SGCD: variants seen among roughly 807,000 people sequenced by gnomAD.
SGCD encodes delta-sarcoglycan.
In SGCD, 18 loss-of-function variants were observed where a neutral mutation model predicts 36.6. The ratio of observed to expected loss-of-function variants is 0.49; its 90% CI spans 0.34 to 0.73. The LOEUF (loss-of-function observed/expected upper bound fraction) is 0.73, where lower values mean the gene tolerates loss of function less well. SGCD is among the 30% of genes least tolerant of loss of function. SGCD has a pLI of 0.01. For missense variants in SGCD, 387 were observed against 346.7 expected, an observed-to-expected ratio of 1.12 and a Z score of -0.92; for synonymous variants, 133 against 130.6, an observed-to-expected ratio of 1.02 and a Z score of -0.12.
chr5:155,729,745 C>T, the SGCD span, among the ~76,000 whole-genome samples: 1 of 152,216 alleles, frequency 6.6e-6, no homozygotes, highest in Non-Finnish European at 1.5e-5. Flanking sequence ...GCTCCCTGCT[C>T]TCAGGCCCTA....
At chr5:156,291,427 A>C (rs1303849919) in intron 3 of SGCD, among the ~76,000 whole-genome samples, 1 of 152,152 alleles carries the variant, frequency 6.6e-6, no homozygotes, top group Non-Finnish European at 1.5e-5. Flanking sequence ...TAAAATGAGC[A>C]TAACTATGTT....
At chr5:156,176,133 GTGTT>G (rs1200592570) in intron 3 of SGCD, among the ~76,000 whole-genome samples, 1 of 151,734 alleles carries the variant, frequency 6.6e-6, no homozygotes, top group Non-Finnish European at 1.5e-5. Context: ...GTGTGTGTGT[GTGTT>G]TGTGTGTGTG....
chr5:156,306,345 A>G (rs936711767), intron 3 of SGCD, among the ~76,000 whole-genome samples: 2 of 152,120 alleles, frequency 1.3e-5, no homozygotes, highest in African/African-American at 4.8e-5. Flanking sequence ...TTCCCTGCAC[A>G]AGCTCTCTCT....
In SGCD at chr5:156,191,091, G is replaced by T. The variant is rs181964777; in HGVS notation, c.-44+67072G>T. Among the ~76,000 whole-genome samples, 337 of 152,218 alleles carry T rather than the reference G, an allele frequency of 2.2e-3. 4 individuals are homozygous for T. Among genetic ancestry groups the T allele is most frequent in the Middle Eastern group, 0.017 (5 of 294 alleles). The stretch of plus-strand genomic sequence containing the variant: ...CCATTATACTGAAATTTATTCCAGT[G>T]TAATAGATGGGAACGAAGTGGTGTA... On this transcript the variant is annotated intron_variant, in intron 3 of 9. Coordinates refer to the SGCD transcript ENST00000517913.
chr5:156,713,571 C>T (rs967278543), intron 7 of SGCD, among the ~76,000 whole-genome samples: 1 of 152,156 alleles, frequency 6.6e-6, no homozygotes, highest in African/African-American at 2.4e-5. Flanking sequence ...ACTTCAGCCT[C>T]CTTTTCCTGT....
chr5:155,746,872 G>A, the SGCD span, among the ~76,000 whole-genome samples: 8,304 of 152,230 alleles, frequency 0.055, 529 homozygotes, highest in African/African-American at 0.15. Context: ...TCAGGATGTA[G>A]CTGGCCACAT....
At chr5:156,315,810 T>C (rs6898100) in intron 3 of SGCD, among the ~76,000 whole-genome samples, 55,973 of 151,832 alleles carry the variant, frequency 0.37, 11,436 homozygotes, top group African/African-American at 0.56. Flanking sequence ...TGATGATTAA[T>C]GACTTTGAGT....
rs199987252 is a variant in SGCD, at chr5:156,306,666, C to A, written c.-43-22868C>A. Among the ~76,000 whole-genome samples the A allele has an allele frequency of 9.2e-5, 14 of 152,066 alleles. No individual in the cohort carries two copies. The East Asian group carries it at 2.3e-3, about 25-fold the overall frequency. The stretch of plus-strand genomic sequence containing the variant: ...AACTATTCAAGACTATCTTTTATAC[C>A]TTCTTCAGTGCCTCCTTTCTTGCTA... On this transcript the variant is annotated intron_variant, in intron 3 of 9. Transcript: ENST00000517913.
At chr5:156,271,249 C>G (rs1766169743) in intron 3 of SGCD, among the ~76,000 whole-genome samples, 1 of 152,116 alleles carries the variant, frequency 6.6e-6, no homozygotes, top group Non-Finnish European at 1.5e-5. Flanking sequence ...CCCTAAAACA[C>G]CATGGCATAT....
chr5:156,309,508 C>T (rs968740541), intron 3 of SGCD, among the ~76,000 whole-genome samples: 1 of 150,858 alleles, frequency 6.6e-6, no homozygotes, highest in Non-Finnish European at 1.5e-5. Flanking sequence ...ATTTTGGCTT[C>T]TTTTTAAGTT....
chr5:156,217,940 A>C (rs1764614963), intron 3 of SGCD, among the ~76,000 whole-genome samples: 1 of 152,170 alleles, frequency 6.6e-6, no homozygotes, highest in African/African-American at 2.4e-5. Flanking sequence ...TGAAGGGAAG[A>C]ATCTCTAATA....
the SGCD span, among the ~76,000 whole-genome samples, chr5:155,764,437 G>T: frequency 6.6e-6 from 1 of 152,176 alleles, no homozygotes; most frequent in Non-Finnish European, 1.5e-5. Context: ...ACTGTTTTGA[G>T]CTGTGGGTCA....
intron 4 of SGCD, among the ~76,000 whole-genome samples, chr5:156,588,097 T>A (rs560615361): frequency 6.6e-6 from 1 of 152,064 alleles, no homozygotes. Context: ...CCTTTTTCCA[T>A]GTTCTGTGTC....
intron 2 of SGCD, among the ~76,000 whole-genome samples, chr5:156,123,185 C>T (rs983385448): frequency 5.3e-5 from 8 of 151,956 alleles, no homozygotes; most frequent in South Asian, 2.1e-4. Context: ...GTTTAGAGTT[C>T]GGGGAAATAT....
At chr5:156,634,898 A>C (rs1762766982) in intron 6 of SGCD, among the ~76,000 whole-genome samples, 1 of 152,108 alleles carries the variant, frequency 6.6e-6, no homozygotes, top group Non-Finnish European at 1.5e-5. Context: ...AAAGCTAAAG[A>C]GATGGGTTAT....
chr5:155,799,828 T>C, the SGCD span, among the ~76,000 whole-genome samples: 1 of 142,338 alleles, frequency 7.0e-6, no homozygotes, highest in East Asian at 2.0e-4. Context: ...TTTTTTTTTT[T>C]TTTTTTTTTG....
intron 3 of SGCD, among the ~76,000 whole-genome samples, chr5:156,500,783 A>C (rs1458380385): frequency 6.6e-6 from 1 of 152,214 alleles, no homozygotes; most frequent in Non-Finnish European, 1.5e-5. Flanking sequence ...CGGATCCTGG[A>C]ACAGATCAGA....
chr5:155,756,281 A>T, the SGCD span, among the ~76,000 whole-genome samples: 1 of 152,232 alleles, frequency 6.6e-6, no homozygotes, highest in South Asian at 2.1e-4. Flanking sequence ...TCCATAGGGT[A>T]CTGATTATCC....
In SGCD at chr5:156,049,635, A is replaced by G. The variant is rs770650234; in HGVS notation, c.-281-68243A>G. Among the ~76,000 whole-genome samples, 19 of 146,626 alleles carry G rather than the reference A, an allele frequency of 1.3e-4. 3 individuals carry two copies. Among genetic ancestry groups the G allele is most frequent in the South Asian group, 1.3e-3 (6 of 4,654 alleles). ...CTTAAGAAATATATTTTGTAAGTCT[A>G]TATCTGTCATAAATAGTGATTCATT... On this transcript the variant is annotated intron_variant, in intron 1 of 9. Coordinates refer to the SGCD transcript ENST00000517913.
Sources: allele counts gnomAD v4.1 joint callset (sites outside exome capture counted in the v4.1 genomes callset), GRCh38; gene constraint gnomAD v4.1.1; transcripts MANE v1.5; gene names NCBI Gene and HGNC (gene_info 2026-07-23, HGNC 2026-07-21).